The following SPINK4 variants were observed in gnomAD, a reference collection of about 807,000 sequenced individuals.
The protein encoded by SPINK4 is serine peptidase inhibitor Kazal type 4, also known as serine protease inhibitor Kazal-type 4.
In SPINK4, 10 loss-of-function variants were observed where a neutral mutation model predicts 12.3. The observed-to-expected ratio is 0.81, with a 90% CI of 0.50 to 1.37. The LOEUF is 1.37. Among genes scored for constraint, SPINK4 ranks in the 40% most tolerant of loss-of-function variants. The pLI, the probability that SPINK4 is intolerant of heterozygous loss-of-function variation, is 0.00. For synonymous variants in SPINK4, 37 were observed against 40.2 expected (o/e 0.92, Z 0.30); for missense variants, 91 against 109.0 (o/e 0.84, Z 0.73).
chr9:33,247,245 G>A (rs948921483), intron 3 of SPINK4, among the ~76,000 whole-genome samples: 4 of 145,786 alleles, frequency 2.7e-5, no homozygotes, highest in Non-Finnish European at 4.5e-5. Flanking sequence ...TGCAACCTCC[G>A]CCTCCTGGGT....
chr9:33,242,876 CT>C (rs59110651), intron 1 of SPINK4, among the ~76,000 whole-genome samples: 253 of 139,206 alleles, frequency 1.8e-3, no homozygotes, highest in Middle Eastern at 3.7e-3. Context: ...TGCTCTGACA[CT>C]TTTTTTTTTT....
chr9:33,245,445 A>G (rs1359097246), intron 2 of SPINK4, among the ~76,000 whole-genome samples: 2 of 152,172 alleles, frequency 1.3e-5, no homozygotes, highest in Non-Finnish European at 2.9e-5. Flanking sequence ...TTAGCAGGAC[A>G]GGGTGTGCTC....
intron 3 of SPINK4, chr9:33,247,925 TA>T (rs1177205227): frequency 6.3e-6 from 1 of 157,906 alleles, no homozygotes; most frequent in Non-Finnish European, 1.4e-5. Flanking sequence ...GGTTAGGAGG[TA>T]CATTGGGAGT....
chr9:33,244,347 G>A (rs539185451), intron 1 of SPINK4, among the ~76,000 whole-genome samples: 17 of 152,260 alleles, frequency 1.1e-4, no homozygotes, highest in South Asian at 4.1e-4. Flanking sequence ...AGCCTCTTTC[G>A]TAGTTCGTTA....
At chr9:33,244,732 C>G (rs572651378) in intron 1 of SPINK4, among the ~76,000 whole-genome samples, 69 of 152,338 alleles carry the variant, frequency 4.5e-4, no homozygotes, top group African/African-American at 1.6e-3. Context: ...TATCTCCTTT[C>G]TTCCCTCTGT....
At chr9:33,241,049 G>A (rs907332227) in intron 1 of SPINK4, among the ~76,000 whole-genome samples, 3 of 152,216 alleles carry the variant, frequency 2.0e-5, no homozygotes, top group Non-Finnish European at 4.4e-5. Context: ...CAAATCAGGG[G>A]AGGTATCTCT....
intron 2 of SPINK4, among the ~76,000 whole-genome samples, chr9:33,245,869 G>A (rs140042206): frequency 6.6e-6 from 1 of 152,298 alleles, no homozygotes; most frequent in Admixed American, 6.5e-5. Flanking sequence ...TACAGATGAG[G>A]AAACTGAGAC....
intron 1 of SPINK4, among the ~76,000 whole-genome samples, chr9:33,244,312 C>A (rs1820265312): frequency 6.6e-6 from 1 of 152,220 alleles, no homozygotes; most frequent in Non-Finnish European, 1.5e-5. Context: ...TCTGCCTTAA[C>A]AAACTGCATT....
intron 1 of SPINK4, among the ~76,000 whole-genome samples, chr9:33,242,507 C>A (rs2117872427): frequency 6.6e-6 from 1 of 152,106 alleles, no homozygotes; most frequent in East Asian, 1.9e-4. Flanking sequence ...ATAGCTGGGG[C>A]ATGGAGAGGT....
chr9:33,244,596 T>G (rs917922237), intron 1 of SPINK4, among the ~76,000 whole-genome samples: 7 of 152,160 alleles, frequency 4.6e-5, no homozygotes, highest in African/African-American at 1.7e-4. Context: ...GCAAGGCAGC[T>G]TCATTCTCTG....
chr9:33,243,262 G>C (rs992562790), intron 1 of SPINK4, among the ~76,000 whole-genome samples: 3 of 151,886 alleles, frequency 2.0e-5, no homozygotes, highest in Admixed American at 6.6e-5. Flanking sequence ...TAGTAGATAT[G>C]GGGTTTCACC....
intron 3 of SPINK4, among the ~76,000 whole-genome samples, chr9:33,247,388 G>A (rs953985550): frequency 6.1e-4 from 92 of 149,908 alleles, no homozygotes; most frequent in African/African-American, 2.1e-3. Context: ...GGCTGGTCTC[G>A]AACTCCCGAT....
At chr9:33,245,270 G>C in intron 2 of SPINK4, 118 bp downstream of exon 2, 1 of 1,024,308 alleles carries the variant, frequency 9.8e-7, no homozygotes, top group Non-Finnish European at 1.4e-6. Context: ...ATGGCTCCAA[G>C]GTGGCCAAGG....
chr9:33,248,491 G>T lies in SPINK4; in HGVS notation c.*20G>T. 1 of 1,613,824 alleles carries T rather than the reference G, an allele frequency of 6.2e-7. No homozygotes were observed. The highest frequency in any genetic ancestry group is 1.1e-5 in the South Asian group (1 of 91,052). ...TGCTGATCCCACAGGAGCACCTCAA[G>T]CCATGAAGTGTCAGCTGGAGAACAG... On this transcript the variant is annotated 3_prime_UTR_variant, in exon 4 of 4. Coordinates refer to ENST00000379721, the MANE Select transcript of SPINK4 (RefSeq NM_014471.3).
At chr9:33,246,503 G>A in intron 2 of SPINK4, 113 bp from the exon 3 acceptor site, 1 of 778,212 alleles carries the variant, frequency 1.3e-6, no homozygotes, top group Non-Finnish European at 2.2e-6. Context: ...CACACTGGGG[G>A]CCTTCTTGAC....
At chr9:33,247,497 G>C (rs1173990999) in intron 3 of SPINK4, among the ~76,000 whole-genome samples, 2 of 152,122 alleles carry the variant, frequency 1.3e-5, no homozygotes, top group African/African-American at 4.8e-5. Flanking sequence ...GGATCAGTGG[G>C]GCACACAGGA....
At chr9:33,247,157 A>G (rs2117885933) in intron 3 of SPINK4, among the ~76,000 whole-genome samples, 1 of 122,096 alleles carries the variant, frequency 8.2e-6, no homozygotes, top group Non-Finnish European at 1.7e-5. Context: ...ATTGCAGCAC[A>G]GAATTTTTTT....
chr9:33,246,248 A>AGC (rs1820284100), intron 2 of SPINK4, among the ~76,000 whole-genome samples: 1 of 140,408 alleles, frequency 7.1e-6, no homozygotes, highest in African/African-American at 2.9e-5. Flanking sequence ...GGACCAGCAG[A>AGC]AGTTCTGATT....
chr9:33,243,451 C>G (rs911498955), intron 1 of SPINK4, among the ~76,000 whole-genome samples: 1 of 152,124 alleles, frequency 6.6e-6, no homozygotes, highest in African/African-American at 2.4e-5. Context: ...TTCAAGTGAT[C>G]CTCCTGCCCC....
Sources: gnomAD v4.1 joint callset for allele counts (sites outside exome capture counted in the v4.1 genomes callset) on GRCh38, gnomAD v4.1.1 for gene constraint, MANE v1.5 for transcripts, NCBI Gene and HGNC (gene_info 2026-07-23, HGNC 2026-07-21) for gene names.